The following ELF5 variants were observed in gnomAD, a reference collection of about 807,000 sequenced individuals.
The protein encoded by ELF5 is E74 like ETS transcription factor 5, also known as ETS-related transcription factor Elf-5.
ELF5 carries 31 observed loss-of-function variants against 38.2 expected under a neutral mutation model. That is an observed-to-expected ratio of 0.81 (90% confidence interval 0.61 to 1.10). The LOEUF (loss-of-function observed/expected upper bound fraction) is 1.10. ELF5 is among the 50% of genes least tolerant of loss of function. ELF5 has a pLI of 0.00. For synonymous variants in ELF5, 121 were observed against 112.5 expected (o/e 1.08, Z -0.48); for missense variants, 300 against 306.6 (o/e 0.98, Z 0.16).
intron 5 of ELF5, 78 bp from the exon 6 acceptor site, chr11:34,481,045 C>T: frequency 8.5e-7 from 1 of 1,180,498 alleles, no homozygotes; most frequent in South Asian, 2.2e-5. Context: ...TTTTTTGAGA[C>T]AGAGTCTTGC....
intron 2 of ELF5, among the ~76,000 whole-genome samples, chr11:34,497,856 C>G (rs1323839523): frequency 2.0e-5 from 3 of 152,186 alleles, no homozygotes. Context: ...TTGTGATGAA[C>G]AATCTGACAG....
At chr11:34,490,380 C>T (rs1346091609) in intron 3 of ELF5, among the ~76,000 whole-genome samples, 5 of 152,114 alleles carry the variant, frequency 3.3e-5, no homozygotes, top group South Asian at 4.1e-4. Flanking sequence ...TGAGCTGGGC[C>T]GGGCTACTGA....
In ELF5 at chr11:34,493,474, C is replaced by G. The variant is rs761994701; in HGVS notation, c.355+5G>C. 13 of 1,612,718 alleles carry G rather than the reference C, an allele frequency of 8.1e-6. No individual in the cohort carries two copies. Among genetic ancestry groups the G allele is most frequent in the Non-Finnish European group, 1.1e-5 (13 of 1,179,382 alleles). ...CCCTGGAGGTCTGGCCCTCTGAACA[C>G]TGACCTTGTGTGCGGATGTTCTGGA... On this transcript the variant is annotated splice_donor_5th_base_variant and intron_variant, in intron 3 of 6. Coordinates refer to ENST00000257832, the MANE Select transcript of ELF5 (RefSeq NM_001422.4).
chr11:34,483,672 G>A (rs1004927871), intron 4 of ELF5, among the ~76,000 whole-genome samples: 11 of 151,746 alleles, frequency 7.2e-5, no homozygotes, highest in African/African-American at 2.7e-4. Context: ...CTGTACTGTA[G>A]CATACTATAC....
chr11:34,511,464 G>A (rs1444074861), intron 1 of ELF5: 1 of 1,592,830 alleles, frequency 6.3e-7, no homozygotes, highest in Admixed American at 1.7e-5. Context: ...TAGTAAGTAG[G>A]AAAAGCTCAA....
In ELF5 at chr11:34,489,999, G is replaced by C. The variant is rs1474612646; in HGVS notation, c.406+10C>G. ...ACAGAGCCTTGGGTGGCTTGCGCTTGGTTACTTACAGTCTTTGATGGTGGC... is the reference window on the plus strand; with the variant it reads ...ACAGAGCCTTGGGTGGCTTGCGCTTCGTTACTTACAGTCTTTGATGGTGGC... On this transcript the variant is annotated intron_variant, in intron 4 of 6. Coordinates refer to ENST00000257832, the MANE Select transcript of ELF5 (RefSeq NM_001422.4). The C allele has an allele frequency of 6.2e-7, 1 of 1,614,008 alleles. No homozygotes were observed. The highest frequency in any genetic ancestry group is 2.2e-5 in the East Asian group (1 of 44,886).
At chr11:34,499,343 G>T (rs886690763) in intron 2 of ELF5, among the ~76,000 whole-genome samples, 4 of 152,060 alleles carry the variant, frequency 2.6e-5, no homozygotes, top group African/African-American at 9.7e-5. Context: ...CTGGGCTCAA[G>T]CAATCCTCCT....
In ELF5 at chr11:34,493,654, C is replaced by A; in HGVS notation, c.180G>T (p.Trp60Cys). 6.2e-7 allele frequency: 1 copy of A among 1,614,190 alleles called. No homozygotes were observed. Among genetic ancestry groups the A allele is most frequent in the Non-Finnish European group, 8.5e-7 (1 of 1,180,040 alleles). Residue 60 changes from tryptophan (W) to cysteine (C), a missense_variant, in exon 3 of 7, where the codon TGG becomes TGT. By Grantham distance (215) the Trp-to-Cys change is radical (BLOSUM62 -2). Coordinates refer to ENST00000257832, the MANE Select transcript of ELF5 (RefSeq NM_001422.4). ...GGTCGCAGCAGAACTGGAGCCACTC[C>A]CACACATGGCGCTTAGTCCAGTATT... ...HPEYWTKRHV[W>C]EWLQFCCDQY...
chr11:34,494,622 A>G (rs1399436791), intron 2 of ELF5, among the ~76,000 whole-genome samples: 1 of 152,102 alleles, frequency 6.6e-6, no homozygotes, highest in African/African-American at 2.4e-5. Context: ...CCAGGGGTAG[A>G]GATTTGGTGT....
At chr11:34,489,346 T>G (rs1850099486) in intron 4 of ELF5, among the ~76,000 whole-genome samples, 1 of 152,130 alleles carries the variant, frequency 6.6e-6, no homozygotes, top group African/African-American at 2.4e-5. Flanking sequence ...GCTCCCTCTC[T>G]GCAGATGACT....
At chr11:34,504,958 C>T (rs1286466384) in intron 2 of ELF5, among the ~76,000 whole-genome samples, 1 of 152,114 alleles carries the variant, frequency 6.6e-6, no homozygotes, top group East Asian at 1.9e-4. Flanking sequence ...CCCTTTGGCT[C>T]CCTTAGTCCT....
intron 2 of ELF5, among the ~76,000 whole-genome samples, chr11:34,497,926 A>T (rs1850355520): frequency 2.0e-5 from 3 of 152,204 alleles, no homozygotes; most frequent in Admixed American, 2.0e-4. Flanking sequence ...TAAGACTTTG[A>T]AGGATTCTTT....
Position 34,480,981 on chromosome 11 carries a change from G to T in ELF5, c.476-14C>A. ...AACTTTGGAGGCCTTTTGAAAAGGG[G>T]AAAACATTAACTATTTACCATTGTT... On this transcript the variant is annotated splice_polypyrimidine_tract_variant and intron_variant, in intron 5 of 6. Coordinates refer to ENST00000257832, the MANE Select transcript of ELF5 (RefSeq NM_001422.4). 6.4e-7 allele frequency: 1 copy of T among 1,570,498 alleles called. No individual in the cohort carries two copies. The highest frequency in any genetic ancestry group is 8.6e-7 in the Non-Finnish European group (1 of 1,161,786).
chr11:34,509,609 TG>T (rs1424218133), intron 1 of ELF5, among the ~76,000 whole-genome samples: 1 of 132,816 alleles, frequency 7.5e-6, no homozygotes, highest in African/African-American at 2.8e-5. Flanking sequence ...TTTTATATCC[TG>T]AGTGAGGGGG....
chr11:34,507,019 A>G (rs953339608), intron 1 of ELF5, among the ~76,000 whole-genome samples: 2 of 152,232 alleles, frequency 1.3e-5, no homozygotes, highest in African/African-American at 4.8e-5. Flanking sequence ...ACACATACAT[A>G]CAACATATAT....
intron 2 of ELF5, among the ~76,000 whole-genome samples, chr11:34,500,570 G>T (rs1850439747): frequency 6.6e-6 from 1 of 152,228 alleles, no homozygotes. Flanking sequence ...GTTAGGAAGG[G>T]GCCAAGAGAG....
intron 2 of ELF5, among the ~76,000 whole-genome samples, chr11:34,503,193 C>G (rs150165736): frequency 1.3e-5 from 2 of 152,222 alleles, no homozygotes; most frequent in African/African-American, 4.8e-5. Flanking sequence ...GAGTCTCCCC[C>G]TGTTGCTCAG....
chr11:34,480,857 C>A lies in ELF5; in HGVS notation c.586G>T (p.Val196Phe). ...ATCTTTGCCAGGGCTTCCGATTTAA[C>A]CACCCGAAAAATTCCTTGTTCCCTA... ...EDREQGIFRVVKSEALAKMWG... is the reference protein window; with the variant it reads ...EDREQGIFRVFKSEALAKMWG... The change falls in exon 6 of 7, where the codon GTT becomes TTT. Residue 196 changes from valine (V) to phenylalanine (F), a missense_variant. Coordinates refer to ENST00000257832, the MANE Select transcript of ELF5 (RefSeq NM_001422.4). 6.2e-7 allele frequency: 1 copy of A among 1,614,090 alleles called. No homozygotes were observed. Among genetic ancestry groups the A allele is most frequent in the South Asian group, 1.1e-5 (1 of 91,078 alleles).
chr11:34,509,048 C>T (rs372871381), intron 1 of ELF5, among the ~76,000 whole-genome samples: 5 of 152,260 alleles, frequency 3.3e-5, no homozygotes, highest in East Asian at 1.9e-4. Flanking sequence ...GTGCATGAGA[C>T]GCCGGGTGCG....
Sources: gnomAD v4.1 joint callset for allele counts (sites outside exome capture counted in the v4.1 genomes callset) on GRCh38, gnomAD v4.1.1 for gene constraint, MANE v1.5 for transcripts, NCBI Gene and HGNC (gene_info 2026-07-23, HGNC 2026-07-21) for gene names.